Variants in KDELR3 observed in about 807,000 individuals in gnomAD.
KDELR3 encodes KDEL endoplasmic reticulum protein retention receptor 3, also known as ER lumen protein-retaining receptor 3.
KDELR3 carries 26 observed loss-of-function variants against 22.7 expected under a neutral mutation model. That is an observed-to-expected ratio of 1.15 (90% CI 0.84 to 1.59). The LOEUF is 1.59. Among genes scored for constraint, KDELR3 ranks in the 40% most tolerant of loss-of-function variants. KDELR3 has a pLI of 0.00. For synonymous variants in KDELR3, 120 were observed against 98.2 expected, an observed-to-expected ratio of 1.22 and a Z score of -1.31; for missense variants, 289 against 251.1, an observed-to-expected ratio of 1.15 and a Z score of -1.02.
intron 1 of KDELR3, 140 bp from the exon 2 acceptor site, chr22:38,474,383 C>T (rs1035015701): frequency 5.2e-5 from 32 of 616,270 alleles, no homozygotes; most frequent in Non-Finnish European, 7.5e-5. Flanking sequence ...CCTTAGGGAG[C>T]GACAGTGCCC....
At position 38,468,123 on chromosome 22, in the gene KDELR3, A is replaced by T. The variant is rs944393342; in HGVS notation, c.-111A>T. On this transcript the variant is annotated 5_prime_UTR_variant, in exon 1 of 5. Coordinates refer to ENST00000216014, the MANE Select transcript of KDELR3 (RefSeq NM_006855.4). Reference sequence around the variant, plus strand: ...GATCGCGGAGCTGTGAGGCGCAGGCAGGGCTCTGGGGCACCTAGAGACCGG... The same window carrying T: ...GATCGCGGAGCTGTGAGGCGCAGGCTGGGCTCTGGGGCACCTAGAGACCGG... 1.1e-6 allele frequency: 1 copy of T among 890,076 alleles called. No individual in the cohort carries two copies. Among genetic ancestry groups the T allele is most frequent in the African/African-American group, 1.7e-5 (1 of 60,524 alleles). The allele number at this position is 890,076 out of a possible 1,614,324, so 55.1% of individuals were successfully genotyped here.
chr22:38,481,166 T>C, intron 3 of KDELR3, 46 bp from the exon 4 acceptor site: 1 of 1,516,706 alleles, frequency 6.6e-7, no homozygotes, highest in Non-Finnish European at 8.9e-7. Flanking sequence ...AAGATGGGCC[T>C]CTTCTTGGTC....
At chr22:38,472,402 G>A (rs1281290999) in intron 1 of KDELR3, among the ~76,000 whole-genome samples, 3 of 151,848 alleles carry the variant, frequency 2.0e-5, no homozygotes, top group East Asian at 2.0e-4. Flanking sequence ...ACTTGAACCC[G>A]GGAGGCAGAC....
rs769172472 is a variant in KDELR3 at position 38,481,403 on chromosome 22, C to T, written c.543C>T (p.Val181=). The T allele has an allele frequency of 2.0e-5, 33 of 1,613,972 alleles. No individual in the cohort carries two copies. Among genetic ancestry groups the T allele is most frequent in the Non-Finnish European group, 2.3e-5 (27 of 1,180,022 alleles). Residue 181 remains valine, a synonymous_variant, in exon 4 of 5, where the codon GTC becomes GTT. Coordinates refer to ENST00000216014, the MANE Select transcript of KDELR3 (RefSeq NM_006855.4). ...QTENFYDQIA[V]VSGVVQTIFY... is the part of the protein sequence containing the mutation. ...AGAATTTCTATGACCAAATTGCAGT[C>T]GTGTCTGGAGTAGTACAAACCATCT... is the stretch of plus-strand genomic sequence containing the variant.
chr22:38,480,953 AG>A (rs2089595091), intron 3 of KDELR3, among the ~76,000 whole-genome samples: 1 of 151,988 alleles, frequency 6.6e-6, no homozygotes, highest in Non-Finnish European at 1.5e-5. Context: ...AATTAAAAGT[AG>A]TTTTCTATAT....
At chr22:38,480,029 G>A (rs989638917) in intron 3 of KDELR3, among the ~76,000 whole-genome samples, 3 of 151,834 alleles carry the variant, frequency 2.0e-5, no homozygotes, top group Non-Finnish European at 2.9e-5. Flanking sequence ...CTGTATCCCT[G>A]TAGCACAGTC....
At chr22:38,470,452 A>G (rs1569130663) in intron 1 of KDELR3, among the ~76,000 whole-genome samples, 1 of 152,172 alleles carries the variant, frequency 6.6e-6, no homozygotes, top group Non-Finnish European at 1.5e-5. Flanking sequence ...TAGGAAACTG[A>G]GCAAATGACA....
intron 1 of KDELR3, 151 bp from the exon 2 acceptor site, chr22:38,474,372 C>T (rs2089544122): frequency 1.7e-6 from 1 of 597,738 alleles, no homozygotes; most frequent in Non-Finnish European, 3.0e-6. Context: ...AGTTTCCTGG[C>T]CCTTAGGGAG....
intron 3 of KDELR3, 58 bp downstream of exon 3, chr22:38,479,809 C>A (rs2089586929): frequency 3.3e-6 from 5 of 1,529,374 alleles, no homozygotes; most frequent in Non-Finnish European, 4.5e-6. Context: ...TGCATCCTTC[C>A]CTCCAGACCC....
chr22:38,470,343 C>T (rs531438546), intron 1 of KDELR3, among the ~76,000 whole-genome samples: 15 of 152,172 alleles, frequency 9.9e-5, no homozygotes, highest in East Asian at 1.9e-4. Flanking sequence ...AGGCTGGTCT[C>T]GAACTCCTGG....
At chr22:38,471,548 C>T (rs575294995) in intron 1 of KDELR3, among the ~76,000 whole-genome samples, 5 of 152,320 alleles carry the variant, frequency 3.3e-5, no homozygotes, top group African/African-American at 1.2e-4. Flanking sequence ...TCAGCTCAGT[C>T]CTGCCACTCT....
intron 2 of KDELR3, among the ~76,000 whole-genome samples, chr22:38,475,138 T>C (rs2089549882): frequency 2.0e-5 from 3 of 148,948 alleles, no homozygotes; most frequent in Admixed American, 2.0e-4. Flanking sequence ...GAGGGTTTGG[T>C]TGGGAACATT....
intron 1 of KDELR3, among the ~76,000 whole-genome samples, chr22:38,472,263 G>A (rs2089530031): frequency 6.6e-6 from 1 of 152,146 alleles, no homozygotes; most frequent in African/African-American, 2.4e-5. Flanking sequence ...AGTCACTTGA[G>A]GTCAGGAGTT....
At chr22:38,469,573 C>A (rs779498993) in intron 1 of KDELR3, among the ~76,000 whole-genome samples, 20 of 151,470 alleles carry the variant, frequency 1.3e-4, no homozygotes, top group Non-Finnish European at 2.2e-4. Context: ...AGAGACAGTT[C>A]AGGTTCTTCC....
intron 1 of KDELR3, among the ~76,000 whole-genome samples, chr22:38,473,587 G>C (rs1404255924): frequency 6.6e-6 from 1 of 152,176 alleles, no homozygotes; most frequent in African/African-American, 2.4e-5. Context: ...TGAACACTAG[G>C]GGTTTGGAAT....
At chr22:38,470,106 G>A (rs527825837) in intron 1 of KDELR3, among the ~76,000 whole-genome samples, 36 of 150,808 alleles carry the variant, frequency 2.4e-4, no homozygotes, top group Non-Finnish European at 5.2e-4. Context: ...GATTGTAGGC[G>A]TGGGCCACTG....
chr22:38,477,601 A>G (rs1045768676), intron 2 of KDELR3, among the ~76,000 whole-genome samples: 17 of 152,206 alleles, frequency 1.1e-4, no homozygotes, highest in African/African-American at 3.9e-4. Context: ...CACCTAGAAA[A>G]TATTTAACTA....
chr22:38,481,022 GAAAA>G (rs537216751), intron 3 of KDELR3, among the ~76,000 whole-genome samples, 186 bp from the exon 4 acceptor site: 1 of 149,916 alleles, frequency 6.7e-6, no homozygotes, highest in Non-Finnish European at 1.5e-5. Context: ...TCAAAAATTA[GAAAA>G]AAAAACCCTT....
Position 38,481,464 on chromosome 22 carries a change from G to C in KDELR3, c.604G>C (p.Val202Leu). The stretch of plus-strand genomic sequence containing the variant: ...CTTCTTCTACTTGTATGTGACCAAA[G>C]GTAGGTCCTGGGATGACAGCAATGC... ...CDFFYLYVTK[V>L]LKGKKLSLPM... The change falls in exon 4 of 5, where the codon GTC (valine) becomes CTC (leucine). Residue 202 changes from valine (V) to leucine (L), a missense_variant and splice_region_variant. By Grantham distance (32) the Val-to-Leu change is conservative. Transcript: ENST00000216014. The C allele has an allele frequency of 1.9e-6, 3 of 1,614,104 alleles. No homozygotes were observed. The highest frequency in any genetic ancestry group is 2.2e-5 in the East Asian group (1 of 44,892).
Sources: allele counts gnomAD v4.1 joint callset (sites outside exome capture counted in the v4.1 genomes callset), GRCh38; gene constraint gnomAD v4.1.1; transcripts MANE v1.5; gene names NCBI Gene and HGNC (gene_info 2026-07-23, HGNC 2026-07-21).